The following RASGEF1A variants were observed in gnomAD, a reference collection of about 807,000 sequenced individuals.
RASGEF1A encodes RasGEF domain family member 1A.
Under a neutral mutation model 56.4 loss-of-function variants are expected in RASGEF1A, and 18 were observed. The ratio of observed to expected loss-of-function variants is 0.32; its 90% CI spans 0.22 to 0.47. The LOEUF is 0.47. Among genes scored for constraint, RASGEF1A ranks in the 20% least tolerant of loss-of-function variants. RASGEF1A has a pLI of 1.00. For missense variants in RASGEF1A, 422 were observed against 627.1 expected, an observed-to-expected ratio of 0.67 and a Z score of 3.49; for synonymous variants, 245 against 242.6, an observed-to-expected ratio of 1.01 and a Z score of -0.09.
chr10:43,250,774 G>A (rs556779621), intron 1 of RASGEF1A, among the ~76,000 whole-genome samples: 9 of 152,318 alleles, frequency 5.9e-5, no homozygotes, highest in East Asian at 1.9e-4. Flanking sequence ...TTGTGGCTCC[G>A]CTGTTTTCCC....
At chr10:43,231,897 G>A (rs539188355) in intron 1 of RASGEF1A, among the ~76,000 whole-genome samples, 1 of 152,384 alleles carries the variant, frequency 6.6e-6, no homozygotes, top group Non-Finnish European at 1.5e-5. Context: ...GCCAGGTGTG[G>A]TGGGGCCAGT....
chr10:43,250,921 T>G (rs1002811347), intron 1 of RASGEF1A, among the ~76,000 whole-genome samples: 1 of 152,134 alleles, frequency 6.6e-6, no homozygotes, highest in Non-Finnish European at 1.5e-5. Context: ...CAGAGACACC[T>G]GGGTGGAGGT....
At chr10:43,241,552 C>A (rs1347855223) in intron 1 of RASGEF1A, among the ~76,000 whole-genome samples, 1 of 151,188 alleles carries the variant, frequency 6.6e-6, no homozygotes, top group Non-Finnish European at 1.5e-5. Context: ...GAAAATAACT[C>A]AAAAATATAC....
intron 1 of RASGEF1A, among the ~76,000 whole-genome samples, chr10:43,224,135 C>T (rs2133204473): frequency 6.6e-6 from 1 of 152,178 alleles, no homozygotes; most frequent in Admixed American, 6.5e-5. Context: ...TAAAAGAAAG[C>T]CCTGGCTGAA....
rs756275608 is a variant in RASGEF1A at position 43,201,960 on chromosome 10, G to C, written c.322-15C>G. The C allele has an allele frequency of 2.8e-5, 44 of 1,598,458 alleles. No homozygotes were observed. Among genetic ancestry groups the C allele is most frequent in the Non-Finnish European group, 3.8e-5 (44 of 1,170,326 alleles). On this transcript the variant is annotated splice_polypyrimidine_tract_variant and intron_variant, in intron 3 of 12. Coordinates refer to ENST00000395810, the MANE Select transcript of RASGEF1A (RefSeq NM_145313.4). ...TTCAGCTTGGCCTGGGGCAGCAGGGGATACAGAGTAAGGCCCCACAGGGCA... is the reference window on the plus strand; with the variant it reads ...TTCAGCTTGGCCTGGGGCAGCAGGGCATACAGAGTAAGGCCCCACAGGGCA...
chr10:43,261,051 A>G (rs1201756237), intron 1 of RASGEF1A, among the ~76,000 whole-genome samples: 1 of 151,800 alleles, frequency 6.6e-6, no homozygotes, highest in African/African-American at 2.4e-5. Flanking sequence ...GTGCCTGGTG[A>G]CCGCAGCTGT....
chr10:43,239,624 A>T (rs1303869910), intron 1 of RASGEF1A, among the ~76,000 whole-genome samples: 1 of 152,222 alleles, frequency 6.6e-6, no homozygotes, highest in African/African-American at 2.4e-5. Context: ...AGTGCCTTGA[A>T]AAGTAGGACC....
At chr10:43,220,437 G>C (rs1840192860) in intron 1 of RASGEF1A, among the ~76,000 whole-genome samples, 1 of 152,188 alleles carries the variant, frequency 6.6e-6, no homozygotes, top group Admixed American at 6.5e-5. Context: ...AGGATGCAGT[G>C]TGCCAAGATC....
Position 43,205,940 on chromosome 10 carries a change from G to GGGGT in RASGEF1A, c.176_177insACCC (p.Thr60ProfsTer9). The GGGGT allele has an allele frequency of 6.2e-7, 1 of 1,613,150 alleles. No individual in the cohort carries two copies. The highest frequency in any genetic ancestry group is 8.5e-7 in the Non-Finnish European group (1 of 1,179,814). On this transcript the variant is annotated frameshift_variant, in exon 2 of 13. Coordinates refer to ENST00000395810, the MANE Select transcript of RASGEF1A (RefSeq NM_145313.4). LOFTEE classifies it high-confidence loss of function. Reference sequence around the variant, plus strand: ...TCACATCGGGGTAATAGTCCACCGTGGGAACAAGGTGCTCCATCAGGGCCT... The same window carrying GGGGT: ...TCACATCGGGGTAATAGTCCACCGTGGGGTGGAACAAGGTGCTCCATCAGGGCCT...
intron 2 of RASGEF1A, among the ~76,000 whole-genome samples, chr10:43,205,686 G>A (rs1021455287): frequency 7.9e-5 from 12 of 152,100 alleles, no homozygotes; most frequent in Non-Finnish European, 1.8e-4. Context: ...TCCTACCTGG[G>A]GCAGCAGCAG....
At chr10:43,264,724 A>G (rs1310616579) in intron 1 of RASGEF1A, among the ~76,000 whole-genome samples, 1 of 151,932 alleles carries the variant, frequency 6.6e-6, no homozygotes, top group South Asian at 2.1e-4. Context: ...CCCATCTGCT[A>G]TCTGCTATGC....
In RASGEF1A at chr10:43,199,091, C is replaced by T; in HGVS notation, c.952+1G>A. The T allele has an allele frequency of 6.2e-7, 1 of 1,613,710 alleles. No homozygotes were observed. The highest frequency in any genetic ancestry group is 8.5e-7 in the Non-Finnish European group (1 of 1,179,942). On this transcript the variant is annotated splice_donor_variant, in intron 8 of 12. Transcript: ENST00000395810. LOFTEE classifies it high-confidence loss of function. ...CCCACCCTGGGTGCCCAGTCACTCA[C>T]AGATGATGGCCATCATGGAGTTGAA...
chr10:43,198,893 T>G, intron 9 of RASGEF1A, 40 bp downstream of exon 9: 1 of 1,574,040 alleles, frequency 6.4e-7, no homozygotes, highest in Non-Finnish European at 8.7e-7. Context: ...CGGGACGAAA[T>G]GGGTGCAGCT....
At chr10:43,224,111 G>A (rs991576948) in intron 1 of RASGEF1A, among the ~76,000 whole-genome samples, 2 of 152,080 alleles carry the variant, frequency 1.3e-5, no homozygotes, top group Admixed American at 6.6e-5. Flanking sequence ...AGCCAACTAA[G>A]CCTCTGGAAA....
chr10:43,257,647 A>G (rs1222184787), intron 1 of RASGEF1A, among the ~76,000 whole-genome samples: 2 of 152,200 alleles, frequency 1.3e-5, no homozygotes, highest in East Asian at 1.9e-4. Context: ...ATGGGCAACA[A>G]CAGGGTCCAG....
Position 43,196,275 on chromosome 10 carries a change from G to A in RASGEF1A, c.1422-7C>T, listed in dbSNP as rs771628766. ...TCTGTTCAGAAGGGTGGTCCTAGAG[G>A]GGGACAGGACAAGCAGTGCTCAGGC... On this transcript the variant is annotated splice_polypyrimidine_tract_variant and splice_region_variant and intron_variant, in intron 12 of 12. Coordinates refer to ENST00000395810, the MANE Select transcript of RASGEF1A (RefSeq NM_145313.4). The surrounding 1 kb of genome is among the most constrained non-coding windows in gnomAD (Gnocchi z 4.6). 1.3e-5 allele frequency: 21 copies of A among 1,613,530 alleles called. No homozygotes were observed. Among genetic ancestry groups the A allele is most frequent in the African/African-American group, 2.7e-5 (2 of 75,030 alleles).
chr10:43,215,347 T>C (rs1356370983), intron 1 of RASGEF1A, among the ~76,000 whole-genome samples: 1 of 152,192 alleles, frequency 6.6e-6, no homozygotes, highest in Non-Finnish European at 1.5e-5. Context: ...AAACGGAGAC[T>C]ATTTTTAGCT....
At chr10:43,266,798 C>A (rs888556355) in intron 1 of RASGEF1A, 47 bp downstream of exon 1, 23 of 145,980 alleles carry the variant, frequency 1.6e-4, no homozygotes, top group African/African-American at 5.4e-4. Flanking sequence ...CGGCCCCAGG[C>A]GCGGGCGGGG....
chr10:43,210,581 T>C (rs1840052457), intron 1 of RASGEF1A, among the ~76,000 whole-genome samples: 1 of 152,182 alleles, frequency 6.6e-6, no homozygotes, highest in African/African-American at 2.4e-5. Flanking sequence ...CCTGGACAAC[T>C]GATTTAACTG....
Sources: gnomAD v4.1 joint callset for allele counts (sites outside exome capture counted in the v4.1 genomes callset) on GRCh38, gnomAD v4.1.1 for gene constraint, Gnocchi (gnomAD v3.1) non-coding constraint, MANE v1.5 for transcripts, NCBI Gene and HGNC (gene_info 2026-07-23, HGNC 2026-07-21) for gene names.